The following FCRL2 variants were observed in gnomAD, a reference collection of about 807,000 sequenced individuals.
FCRL2 encodes Fc receptor like 2.
FCRL2 carries 48 observed loss-of-function variants against 59.8 expected under a neutral mutation model. The ratio of observed to expected loss-of-function variants is 0.80; its 90% CI spans 0.64 to 1.02. The LOEUF is 1.02. Ranked by LOEUF, FCRL2 falls within the 50% of genes least tolerant of loss-of-function variation. The probability of loss-of-function intolerance (pLI) is 0.00; values close to 1 mark genes in which losing one functional copy is unlikely to be tolerated. For missense variants in FCRL2, 658 were observed against 597.3 expected (o/e 1.10, Z -1.06); for synonymous variants, 251 against 229.5 (o/e 1.09, Z -0.85).
chr1:157,750,183 C>A (rs930916909), intron 7 of FCRL2, among the ~76,000 whole-genome samples: 1 of 152,124 alleles, frequency 6.6e-6, no homozygotes, highest in Non-Finnish European at 1.5e-5. Flanking sequence ...ATCTCTTGTA[C>A]CATTTTGCTT....
intron 10 of FCRL2, among the ~76,000 whole-genome samples, chr1:157,747,187 G>T (rs376387831): frequency 5.3e-5 from 8 of 152,174 alleles, no homozygotes. Context: ...CTCTGTTGCA[G>T]CATTCTGTCA....
intron 7 of FCRL2, among the ~76,000 whole-genome samples, chr1:157,756,442 G>A (rs1648594513): frequency 6.6e-6 from 1 of 152,136 alleles, no homozygotes; most frequent in Admixed American, 6.6e-5. Flanking sequence ...CAGTGCTTTG[G>A]GAGGCCAAGG....
intron 7 of FCRL2, among the ~76,000 whole-genome samples, chr1:157,762,788 T>C (rs1481904600): frequency 6.6e-6 from 1 of 152,140 alleles, no homozygotes; most frequent in Non-Finnish European, 1.5e-5. Flanking sequence ...TGGTATAAAA[T>C]ATTCAAAGTG....
chr1:157,746,966 T>C (rs1472865909), intron 10 of FCRL2, 67 bp from the exon 11 acceptor site: 1 of 1,521,716 alleles, frequency 6.6e-7, no homozygotes, highest in African/African-American at 1.4e-5. Context: ...CCAGACTTTA[T>C]GCCCCAGGGC....
Position 157,749,017 on chromosome 1 carries a change from G to T in FCRL2, c.1308-57C>A. ...CCCCAGGGCAGTGAGTGAGAACAGA[G>T]GGGAGACTGGCTGAGGAGAGAGCAG... On this transcript the variant is annotated intron_variant, in intron 8 of 11. Coordinates refer to ENST00000361516, the MANE Select transcript of FCRL2 (RefSeq NM_030764.4). 3.4e-6 allele frequency: 5 copies of T among 1,464,448 alleles called. No individual in the cohort carries two copies. The South Asian group carries it at 5.8e-5, about 17-fold the overall frequency. The allele number at this position is 1,464,448 out of a possible 1,614,324, so 90.7% of individuals were successfully genotyped here.
At chr1:157,769,820 A>C in intron 4 of FCRL2, 46 bp downstream of exon 4, 1 of 1,588,958 alleles carries the variant, frequency 6.3e-7, no homozygotes, top group Non-Finnish European at 8.6e-7. Flanking sequence ...TGAAGCTATA[A>C]CACTCCTATC....
chr1:157,763,143 C>G lies in FCRL2; in HGVS notation c.1279+3712G>C, dbSNP rs1226592443. 2.0e-5 allele frequency among the ~76,000 whole-genome samples: 3 copies of G among 152,132 alleles called. No individual in the cohort carries two copies. The East Asian group carries it at 5.8e-4, about 29-fold the overall frequency. ...AAAAAACAACAAGGAATACACAAAA[C>G]AACTAGACAACAATTAACAATATGA... On this transcript the variant is annotated intron_variant, in intron 7 of 11. Transcript: ENST00000361516.
In FCRL2 at chr1:157,766,986, C is replaced by T. The variant is rs368388157; in HGVS notation, c.1163-15G>A. The T allele has an allele frequency of 1.7e-5, 28 of 1,604,390 alleles. No homozygotes were observed. The highest frequency in any genetic ancestry group is 2.3e-5 in the Non-Finnish European group (27 of 1,173,964). On this transcript the variant is annotated splice_polypyrimidine_tract_variant and intron_variant, in intron 6 of 11. Coordinates refer to ENST00000361516, the MANE Select transcript of FCRL2 (RefSeq NM_030764.4). ...GCCATCAGGTCCTGAGGAAAGAAAG[C>T]AGTGCTTCAGCCCCAGAGGTTTAAG...
Position 157,747,051 on chromosome 1 carries a change from A to G in FCRL2, c.1460-152T>C. On this transcript the variant is annotated intron_variant, in intron 10 of 11. Transcript: ENST00000361516. ...AAAATCCTTTCTTAAAGTTGTTAAT[A>G]CTGAAGTCCTTCTAAGACTCTATCC... 4 of 786,400 alleles carry G rather than the reference A, an allele frequency of 5.1e-6. No homozygotes were observed. The South Asian group carries it at 5.4e-5, about 11-fold the overall frequency. The allele number at this position is 786,400 out of a possible 1,614,324, so 48.7% of individuals were successfully genotyped here.
chr1:157,777,024 G>A lies in FCRL2; in HGVS notation c.31+19C>T, dbSNP rs7527780. ...CATTCAGCTGCCACCTCACTTCTCAGTCAAATTATTGAACTCACCAAAGAT... is the reference window on the plus strand; with the variant it reads ...CATTCAGCTGCCACCTCACTTCTCAATCAAATTATTGAACTCACCAAAGAT... On this transcript the variant is annotated intron_variant, in intron 1 of 11. Transcript: ENST00000361516. The A allele has an allele frequency of 3.2e-3, 5,100 of 1,610,202 alleles. 126 individuals are homozygous for A. In the African/African-American group the frequency reaches 0.058, roughly 18 times the overall value.
intron 7 of FCRL2, among the ~76,000 whole-genome samples, chr1:157,764,723 C>T (rs1649369078): frequency 6.6e-6 from 1 of 152,146 alleles, no homozygotes; most frequent in African/African-American, 2.4e-5. Flanking sequence ...GCTAAACAAC[C>T]ATTGGGTCAA....
At chr1:157,748,687 AG>A (rs1647950998) in intron 9 of FCRL2, 69 bp from the exon 10 acceptor site, 3 of 1,367,182 alleles carry the variant, frequency 2.2e-6, no homozygotes, top group Non-Finnish European at 3.1e-6. Context: ...ACAGCTTCCC[AG>A]GCCCTGGCTT....
At chr1:157,756,805 T>C (rs1648623168) in intron 7 of FCRL2, among the ~76,000 whole-genome samples, 1 of 152,230 alleles carries the variant, frequency 6.6e-6, no homozygotes, top group Non-Finnish European at 1.5e-5. Flanking sequence ...TGTGTGCTTG[T>C]AAACTAAAAT....
intron 7 of FCRL2, among the ~76,000 whole-genome samples, chr1:157,759,539 C>T (rs2101702620): frequency 6.6e-6 from 1 of 152,204 alleles, no homozygotes; most frequent in Non-Finnish European, 1.5e-5. Flanking sequence ...TATTTGCAAA[C>T]TGAGCATCCA....
chr1:157,771,493 T>G (rs948176433), intron 2 of FCRL2, among the ~76,000 whole-genome samples: 7 of 152,244 alleles, frequency 4.6e-5, no homozygotes, highest in African/African-American at 7.2e-5. Flanking sequence ...ACTTGAATTC[T>G]CCACTTGAAT....
chr1:157,766,818 AT>A (rs1649529482), intron 7 of FCRL2, 36 bp downstream of exon 7: 1 of 1,613,592 alleles, frequency 6.2e-7, no homozygotes, highest in South Asian at 1.1e-5. Flanking sequence ...TGGAAAGGTC[AT>A]AGCAAAATAT....
intron 7 of FCRL2, among the ~76,000 whole-genome samples, chr1:157,761,023 CA>C (rs113254524): frequency 4.6e-5 from 7 of 152,210 alleles, no homozygotes; most frequent in African/African-American, 1.7e-4. Flanking sequence ...TAATGAGTTC[CA>C]AAATTTATTT....
chr1:157,758,755 A>G (rs954755961), intron 7 of FCRL2, among the ~76,000 whole-genome samples: 6 of 151,988 alleles, frequency 3.9e-5, no homozygotes, highest in Non-Finnish European at 8.8e-5. Flanking sequence ...CAAGGCTACA[A>G]TAACCAAATA....
intron 4 of FCRL2, chr1:157,768,975 T>G (rs1649757276): frequency 2.9e-6 from 1 of 346,388 alleles, no homozygotes; most frequent in Non-Finnish European, 5.2e-6. Context: ...GTTCAATTTT[T>G]TGGATGAGTC....
Sources: gnomAD v4.1 joint callset for allele counts (sites outside exome capture counted in the v4.1 genomes callset) on GRCh38, gnomAD v4.1.1 for gene constraint, MANE v1.5 for transcripts, NCBI Gene and HGNC (gene_info 2026-07-23, HGNC 2026-07-21) for gene names.